Variants in HABP2 observed in about 807,000 individuals in gnomAD.
HABP2 encodes factor VII-activating protease.
In HABP2, 65 loss-of-function variants were observed where a neutral mutation model predicts 66.5. The observed-to-expected ratio is 0.98, with a 90% CI of 0.80 to 1.20. The LOEUF is 1.20. Ranked by LOEUF, HABP2 falls within the 50% of genes most tolerant of loss-of-function variation. The probability of loss-of-function intolerance (pLI) is 0.00; values close to 1 mark genes in which losing one functional copy is unlikely to be tolerated. For missense variants in HABP2, 786 were observed against 691.0 expected, an observed-to-expected ratio of 1.14 and a Z score of -1.54; for synonymous variants, 263 against 253.9, an observed-to-expected ratio of 1.04 and a Z score of -0.34.
chr10:113,578,567 T>C, intron 6 of HABP2, 60 bp from the exon 7 acceptor site: 2 of 1,243,284 alleles, frequency 1.6e-6, no homozygotes, highest in Non-Finnish European at 2.3e-6. Context: ...CACCAAGCCC[T>C]TTTTGGGAGT....
intron 4 of HABP2, 35 bp downstream of exon 4, chr10:113,576,039 G>A (rs760370628): frequency 8.9e-7 from 1 of 1,127,080 alleles, no homozygotes; most frequent in Non-Finnish European, 1.4e-6. Context: ...TCTTCCCTCT[G>A]AGTTAAACAA....
chr10:113,562,541 T>C (rs1845118992), intron 1 of HABP2, among the ~76,000 whole-genome samples: 1 of 150,932 alleles, frequency 6.6e-6, no homozygotes, highest in Non-Finnish European at 1.5e-5. Flanking sequence ...ACTTCTCAGG[T>C]TCAAGCGATT....
At chr10:113,587,704 A>G (rs1378611445) in intron 12 of HABP2, among the ~76,000 whole-genome samples, 1 of 152,070 alleles carries the variant, frequency 6.6e-6, no homozygotes, top group African/African-American at 2.4e-5. Flanking sequence ...ATACTTTACA[A>G]ACAATCTTCA....
At chr10:113,584,332 G>C (rs1335710192) in intron 11 of HABP2, 50 bp downstream of exon 11, 1 of 1,552,576 alleles carries the variant, frequency 6.4e-7, no homozygotes, top group Non-Finnish European at 8.9e-7. Flanking sequence ...ACATCAACCA[G>C]AGAAGAAAGG....
At position 113,585,865 on chromosome 10, in the gene HABP2, T is replaced by G; in HGVS notation, c.1445T>G (p.Leu482Arg). Residue 482 changes from leucine to arginine, a missense_variant, in exon 12 of 13, where the codon CTC becomes CGC. Physicochemically the swap from Leu to Arg is moderately radical, Grantham distance 102. Transcript: ENST00000351270. ...AACACTTTGTGCAACTCCCGCCAAC[T>G]CTATGACCACATGATTGATGACAGT... is the stretch of plus-strand genomic sequence containing the variant. ...IANTLCNSRQLYDHMIDDSMI... is the reference protein window; with the variant it reads ...IANTLCNSRQRYDHMIDDSMI... The G allele has an allele frequency of 6.2e-7, 1 of 1,613,660 alleles. No homozygotes were observed. The highest frequency in any genetic ancestry group is 8.5e-7 in the Non-Finnish European group (1 of 1,179,574).
In HABP2 at chr10:113,588,998, TTTTGA is replaced by T; in HGVS notation, c.*630_*634del. On this transcript the variant is annotated 3_prime_UTR_variant, in exon 13 of 13. Coordinates refer to ENST00000351270, the MANE Select transcript of HABP2 (RefSeq NM_004132.5). ...GCTCACAACAGCAGGGCCTTCTTCT[TTTTGA>T]CGTGCAGAATCTCAGTGGCATCTGG... The T allele has an allele frequency of 6.2e-7, 1 of 1,613,964 alleles. No individual in the cohort carries two copies. The highest frequency in any genetic ancestry group is 8.5e-7 in the Non-Finnish European group (1 of 1,179,932).
chr10:113,580,627 T>G lies in HABP2; in HGVS notation c.773T>G (p.Phe258Cys). Reference protein sequence around the residue: ...NPDADEKPWCFIKVTNDKVKW... With the variant: ...NPDADEKPWCCIKVTNDKVKW... ...GATGCGGACGAAAAGCCCTGGTGCTTTATTAAAGTTACCAATGACAAGGTG... is the reference window on the plus strand; with the variant it reads ...GATGCGGACGAAAAGCCCTGGTGCTGTATTAAAGTTACCAATGACAAGGTG... Residue 258 changes from phenylalanine (F) to cysteine (C), a missense_variant, in exon 8 of 13, where the codon TTT becomes TGT. Phe to Cys is a radical substitution (Grantham distance 205). Coordinates refer to ENST00000351270, the MANE Select transcript of HABP2 (RefSeq NM_004132.5). The G allele has an allele frequency of 6.2e-7, 1 of 1,601,276 alleles. No homozygotes were observed. Among genetic ancestry groups the G allele is most frequent in the Non-Finnish European group, 8.6e-7 (1 of 1,168,396 alleles).
At chr10:113,555,008 C>T (rs1592679617) in intron 1 of HABP2, among the ~76,000 whole-genome samples, 1 of 152,152 alleles carries the variant, frequency 6.6e-6, no homozygotes, top group East Asian at 1.9e-4. Context: ...GGGAAAGTGG[C>T]CAAGTCGTTC....
intron 1 of HABP2, among the ~76,000 whole-genome samples, chr10:113,561,286 T>C (rs762999165): frequency 1.2e-4 from 18 of 152,170 alleles, no homozygotes; most frequent in Non-Finnish European, 2.5e-4. Context: ...CTTATCTTTG[T>C]AGCAGGAGCC....
chr10:113,572,007 A>G lies in HABP2; in HGVS notation c.107-2282A>G, dbSNP rs564947640. ...CTCCCAGATGATACTCCTGTAAAGC[A>G]CCTTCAAATCACATGGCAGCCCATC... On this transcript the variant is annotated intron_variant, in intron 2 of 12. Coordinates refer to ENST00000351270, the MANE Select transcript of HABP2 (RefSeq NM_004132.5). Among the ~76,000 whole-genome samples, 341 of 152,344 alleles carry G rather than the reference A, an allele frequency of 2.2e-3. 1 individual carries two copies. Among genetic ancestry groups the G allele is most frequent in the Non-Finnish European group, 3.9e-3 (263 of 68,036 alleles).
At position 113,580,646 on chromosome 10, in the gene HABP2, C is replaced by T. The variant is rs557594621; in HGVS notation, c.792C>T (p.Asp264=). The change falls in exon 8 of 13, where the codon GAC becomes GAT. Residue 264 remains aspartate, a synonymous_variant. Transcript: ENST00000351270. ...GGTGCTTTATTAAAGTTACCAATGA[C>T]AAGGTGAAATGGGAATACTGTGATG... ...KPWCFIKVTN[D]KVKWEYCDVS... 6.2e-7 allele frequency: 1 copy of T among 1,605,064 alleles called. No homozygotes were observed. Among genetic ancestry groups the T allele is most frequent in the Non-Finnish European group, 8.5e-7 (1 of 1,171,860 alleles).
chr10:113,569,459 A>G (rs1845262436), intron 2 of HABP2, among the ~76,000 whole-genome samples: 1 of 152,216 alleles, frequency 6.6e-6, no homozygotes, highest in South Asian at 2.1e-4. Flanking sequence ...CTGGCTCTAG[A>G]CAACAGCATG....
chr10:113,584,245 T>C lies in HABP2; in HGVS notation c.1335T>C (p.Ser445=). The C allele has an allele frequency of 6.2e-7, 1 of 1,613,830 alleles. No individual in the cohort carries two copies. The highest frequency in any genetic ancestry group is 1.1e-5 in the South Asian group (1 of 91,054). Residue 445 remains serine, a synonymous_variant, in exon 11 of 13, where the codon AGT becomes AGC. Coordinates refer to ENST00000351270, the MANE Select transcript of HABP2 (RefSeq NM_004132.5). The part of the protein sequence containing the change: ...CLPDGSFPSG[S]ECHISGWGVT... Reference sequence around the variant, plus strand: ...CTGATGGGTCCTTTCCCTCTGGGAGTGAGTGCCACATCTCTGGCTGGGGTG... The same window carrying C: ...CTGATGGGTCCTTTCCCTCTGGGAGCGAGTGCCACATCTCTGGCTGGGGTG...
intron 1 of HABP2, among the ~76,000 whole-genome samples, chr10:113,555,891 T>C (rs1844983009): frequency 6.6e-6 from 1 of 152,126 alleles, no homozygotes; most frequent in Non-Finnish European, 1.5e-5. Context: ...GTCTTAGAAA[T>C]CTCTTCTTGC....
chr10:113,559,276 T>G (rs1845057678), intron 1 of HABP2, among the ~76,000 whole-genome samples: 1 of 152,212 alleles, frequency 6.6e-6, no homozygotes, highest in African/African-American at 2.4e-5. Context: ...ACCATCTGTT[T>G]GCACCAAGTC....
intron 1 of HABP2, among the ~76,000 whole-genome samples, chr10:113,561,170 C>T (rs1365054600): frequency 6.6e-6 from 1 of 152,182 alleles, no homozygotes; most frequent in Non-Finnish European, 1.5e-5. Flanking sequence ...CTGAATCCTA[C>T]TGATTTACAG....
rs185066511 is a variant in HABP2, at chr10:113,553,057, C to T, written c.-65C>T. ...TCCTTGGAGACTGACATTTTTCCCCCCTAAAGGCATAGACAACAAAAGAAA... is the reference window on the plus strand; with the variant it reads ...TCCTTGGAGACTGACATTTTTCCCCTCTAAAGGCATAGACAACAAAAGAAA... On this transcript the variant is annotated 5_prime_UTR_variant, in exon 1 of 13. Coordinates refer to ENST00000351270, the MANE Select transcript of HABP2 (RefSeq NM_004132.5). 15 of 1,198,992 alleles carry T rather than the reference C, an allele frequency of 1.3e-5. No individual in the cohort carries two copies. The highest frequency in any genetic ancestry group is 9.8e-5 in the South Asian group (8 of 81,730). 74.3% of individuals were successfully genotyped at this position (1,198,992 alleles called of 1,614,324 possible).
chr10:113,561,510 G>C (rs1004128420), intron 1 of HABP2, among the ~76,000 whole-genome samples: 13 of 152,174 alleles, frequency 8.5e-5, no homozygotes, highest in African/African-American at 3.1e-4. Context: ...AGCTGCCCTT[G>C]GGAGTAACGC....
At position 113,588,218 on chromosome 10, in the gene HABP2, G is replaced by A. The variant is rs1564683359; in HGVS notation, c.1532G>A (p.Gly511Asp). ...TGTTTCCCTTAGGGTGACTCTGGAG[G>A]CCCCCTGACCTGTGAGAAGGACGGC... ...GQDTCQGDSG[G>D]PLTCEKDGTY... is the part of the protein sequence containing the mutation. The change falls in exon 13 of 13, where the codon GGC (glycine) becomes GAC (aspartate). Residue 511 changes from glycine to aspartate, a missense_variant. Transcript: ENST00000351270. 3.1e-6 allele frequency: 5 copies of A among 1,602,790 alleles called. No homozygotes were observed. The highest frequency in any genetic ancestry group is 4.3e-6 in the Non-Finnish European group (5 of 1,175,300).
Sources: gnomAD v4.1 joint callset for allele counts (sites outside exome capture counted in the v4.1 genomes callset) on GRCh38, gnomAD v4.1.1 for gene constraint, MANE v1.5 for transcripts, NCBI Gene and HGNC (gene_info 2026-07-23, HGNC 2026-07-21) for gene names.